The following WWP2 variants were observed in gnomAD, a reference collection of about 807,000 sequenced individuals.
WWP2 encodes WW domain containing E3 ubiquitin protein ligase 2, also known as NEDD4-like E3 ubiquitin-protein ligase WWP2.
In WWP2, 57 loss-of-function variants were observed where a neutral mutation model predicts 121.0. The ratio of observed to expected loss-of-function variants is 0.47; its 90% CI spans 0.38 to 0.59. The LOEUF (loss-of-function observed/expected upper bound fraction) is 0.59. Among genes scored for constraint, WWP2 ranks in the 20% least tolerant of loss-of-function variants. The pLI is 0.00. For synonymous variants in WWP2, 449 were observed against 441.3 expected (o/e 1.02, Z -0.22); for missense variants, 962 against 1,158.9 (o/e 0.83, Z 2.47).
intron 2 of WWP2, among the ~76,000 whole-genome samples, chr16:69,795,997 C>G (rs2056032340): frequency 6.6e-6 from 1 of 151,434 alleles, no homozygotes; most frequent in Admixed American, 6.6e-5. Flanking sequence ...GGGGCCTGGA[C>G]CAGAACAAAT....
chr16:69,766,086 C>T (rs1034468961), intron 1 of WWP2, among the ~76,000 whole-genome samples: 5 of 152,136 alleles, frequency 3.3e-5, no homozygotes, highest in African/African-American at 1.2e-4. Context: ...TCCTATCAGG[C>T]ATTTTATAAT....
chr16:69,799,383 G>C lies in WWP2; in HGVS notation c.340+88G>C, dbSNP rs2056115127. 6.6e-7 allele frequency: 1 copy of C among 1,525,024 alleles called. No individual in the cohort carries two copies. Among genetic ancestry groups the C allele is most frequent in the Non-Finnish European group, 8.8e-7 (1 of 1,134,194 alleles). 94.5% of individuals were successfully genotyped at this position (1,525,024 alleles called of 1,614,324 possible). ...CAACCTGGTATTGCAATTTCCCCCA[G>C]GACTAGGGGCTGCAGTACCTCTGTT... On this transcript the variant is annotated intron_variant, in intron 4 of 23. Transcript: ENST00000359154. The surrounding 1 kb of genome is among the most constrained non-coding windows in gnomAD (Gnocchi z 4.5).
intron 8 of WWP2, among the ~76,000 whole-genome samples, chr16:69,890,282 C>G (rs1030877576): frequency 1.3e-5 from 2 of 152,144 alleles, no homozygotes; most frequent in African/African-American, 4.8e-5. Context: ...GCCACGCTAC[C>G]TAACTCCCGT....
At chr16:69,872,773 G>A (rs901046391) in intron 7 of WWP2, among the ~76,000 whole-genome samples, 2 of 152,212 alleles carry the variant, frequency 1.3e-5, no homozygotes, top group African/African-American at 4.8e-5. Context: ...AGGAGACAGT[G>A]CCGTCCACGT....
intron 1 of WWP2, among the ~76,000 whole-genome samples, chr16:69,769,291 T>C (rs1260954526): frequency 8.0e-6 from 1 of 124,960 alleles, no homozygotes; most frequent in African/African-American, 3.2e-5. Flanking sequence ...CACTCCAGCC[T>C]GGGTGACAGA....
intron 1 of WWP2, among the ~76,000 whole-genome samples, chr16:69,777,622 CTTT>C (rs919583284): frequency 1.3e-5 from 2 of 151,508 alleles, no homozygotes; most frequent in Admixed American, 6.6e-5. Flanking sequence ...TTAAAAAAAT[CTTT>C]TTATTTATTA....
At chr16:69,804,725 T>TA (rs1215188339) in intron 4 of WWP2, among the ~76,000 whole-genome samples, 1 of 152,080 alleles carries the variant, frequency 6.6e-6, no homozygotes, top group Non-Finnish European at 1.5e-5. Flanking sequence ...CCATGCCCCC[T>TA]AAAAAATCTC....
intron 6 of WWP2, among the ~76,000 whole-genome samples, chr16:69,856,297 A>T (rs75117285): frequency 0.042 from 6,425 of 152,190 alleles, 430 homozygotes; most frequent in African/African-American, 0.14. Flanking sequence ...ATGTGGGGGC[A>T]TTGGAGGAGG....
chr16:69,799,220 C>G lies in WWP2; in HGVS notation c.265C>G (p.His89Asp). ...TTTAGATTTAAAGGTCTGGAGCTGC[C>G]ATACCTTGAGAAATGAACTGCTAGG... ...SHLDLKVWSC[H>D]TLRNELLGTA... Residue 89 changes from histidine to aspartate, a missense_variant, in exon 4 of 24, where the codon CAT becomes GAT. Coordinates refer to ENST00000359154, the MANE Select transcript of WWP2 (RefSeq NM_001270454.2). This position sits in a 1 kb window ranked among gnomAD's most constrained non-coding sequence, Gnocchi z 4.5. 1 of 1,614,078 alleles carries G rather than the reference C, an allele frequency of 6.2e-7. No individual in the cohort carries two copies. The highest frequency in any genetic ancestry group is 8.5e-7 in the Non-Finnish European group (1 of 1,180,020).
intron 4 of WWP2, among the ~76,000 whole-genome samples, chr16:69,817,982 G>A (rs1229294055): frequency 3.3e-5 from 5 of 151,842 alleles, no homozygotes; most frequent in African/African-American, 1.2e-4. Context: ...TCAGAAGGTG[G>A]GCGTGTTTCA....
In WWP2 at chr16:69,799,763, C is replaced by T. The variant is rs2056122461; in HGVS notation, c.340+468C>T. ...CTGGGATAGTATTACAAATAGTGCC[C>T]TGTGCTTACTCGGCACTCAGTAAAC... On this transcript the variant is annotated intron_variant, in intron 4 of 23. Transcript: ENST00000359154. The surrounding 1 kb of genome is among the most constrained non-coding windows in gnomAD (Gnocchi z 4.5). Among the ~76,000 whole-genome samples the T allele has an allele frequency of 6.6e-6, 1 of 152,176 alleles. No homozygotes were observed. Among genetic ancestry groups the T allele is most frequent in the Admixed American group, 6.6e-5 (1 of 15,260 alleles).
rs975023046 is a variant in WWP2 at position 69,844,127 on chromosome 16, C to T, written c.575+2007C>T. Reference sequence around the variant, plus strand: ...AGATGCCATTTCCCCATTCTCTTTTCTCCAAGTCACTGTAAAGGCGTTGCC... The same window carrying T: ...AGATGCCATTTCCCCATTCTCTTTTTTCCAAGTCACTGTAAAGGCGTTGCC... On this transcript the variant is annotated intron_variant, in intron 6 of 23. Coordinates refer to ENST00000359154, the MANE Select transcript of WWP2 (RefSeq NM_001270454.2). Among the ~76,000 whole-genome samples, 11 of 151,958 alleles carry T rather than the reference C, an allele frequency of 7.2e-5. No individual in the cohort carries two copies. In the South Asian group the frequency reaches 2.1e-3, roughly 29 times the overall value.
intron 4 of WWP2, among the ~76,000 whole-genome samples, chr16:69,825,737 C>T (rs894193792): frequency 5.3e-5 from 8 of 151,300 alleles, no homozygotes; most frequent in Admixed American, 1.3e-4. Flanking sequence ...GTGATCCTCC[C>T]ACCTCAGCCT....
At chr16:69,822,641 T>C (rs1308687405) in intron 4 of WWP2, among the ~76,000 whole-genome samples, 1 of 151,790 alleles carries the variant, frequency 6.6e-6, no homozygotes, top group African/African-American at 2.4e-5. Context: ...AAAGGAATCG[T>C]CTAGAGGAAC....
intron 2 of WWP2, 50 bp from the exon 3 acceptor site, chr16:69,798,632 T>C: frequency 1.9e-6 from 3 of 1,565,538 alleles, no homozygotes; most frequent in Non-Finnish European, 2.6e-6. Flanking sequence ...CAGGGGGGCA[T>C]CTGGGAGCCC....
At chr16:69,927,278 A>G (rs574909004) in intron 11 of WWP2, among the ~76,000 whole-genome samples, 48 of 152,028 alleles carry the variant, frequency 3.2e-4, no homozygotes, top group South Asian at 6.2e-4. Context: ...AAGAACAGCC[A>G]GACCAAGTGA....
intron 1 of WWP2, among the ~76,000 whole-genome samples, chr16:69,770,358 C>G (rs2055389033): frequency 6.6e-6 from 1 of 152,066 alleles, no homozygotes; most frequent in Admixed American, 6.6e-5. Flanking sequence ...ATTGATCATG[C>G]CTGCGTAATG....
At position 69,940,580 on chromosome 16, in the gene WWP2, G is replaced by A. The variant is rs562617576; in HGVS notation, c.*640G>A. 3.3e-5 allele frequency: 5 copies of A among 152,594 alleles called. No homozygotes were observed. The highest frequency in any genetic ancestry group is 3.9e-4 in the East Asian group (2 of 5,188). The allele number at this position is 152,594 out of a possible 1,614,324, so 9.5% of individuals were successfully genotyped here. A position where few individuals can be genotyped will look rare whatever the true frequency, so the allele number is the denominator to read the frequency against. On this transcript the variant is annotated 3_prime_UTR_variant, in exon 24 of 24. Coordinates refer to ENST00000359154, the MANE Select transcript of WWP2 (RefSeq NM_001270454.2). ...TTGTCTAAGCTGCCTGGGTATCCAC[G>A]GGACAAAAACAGCAAACTCCCTCAG...
chr16:69,916,725 G>C (rs1457796162), intron 9 of WWP2, among the ~76,000 whole-genome samples: 1 of 152,112 alleles, frequency 6.6e-6, no homozygotes, highest in African/African-American at 2.4e-5. Context: ...AGAGAGCTGT[G>C]GCATTCAATT....
Sources: allele counts gnomAD v4.1 joint callset (sites outside exome capture counted in the v4.1 genomes callset), GRCh38; gene constraint gnomAD v4.1.1; non-coding constraint Gnocchi (gnomAD v3.1); transcripts MANE v1.5; gene names NCBI Gene and HGNC (gene_info 2026-07-23, HGNC 2026-07-21).